The following PAK4 variants were observed in gnomAD, a reference collection of about 807,000 sequenced individuals.
PAK4 encodes p21 (RAC1) activated kinase 4.
PAK4 carries 49 observed loss-of-function variants against 53.5 expected under a neutral mutation model. The observed-to-expected ratio is 0.92, with a 90% CI of 0.73 to 1.16. PAK4 has a LOEUF of 1.16. PAK4 is among the 50% of genes most tolerant of loss of function. PAK4 has a pLI of 0.00. For synonymous variants in PAK4, 376 were observed against 375.6 expected (o/e 1.00, Z -0.01); for missense variants, 824 against 850.7 (o/e 0.97, Z 0.39).
At chr19:39,170,672 TCCCGG>T (rs2074461224) in intron 2 of PAK4, among the ~76,000 whole-genome samples, 1 of 152,184 alleles carries the variant, frequency 6.6e-6, no homozygotes, top group African/African-American at 2.4e-5. Flanking sequence ...GGACTCACCC[TCCCGG>T]TGCCCAGCCC....
At chr19:39,147,605 ATCACCAGCAGCAGGTTCCCCACATCC>A (rs1397042073) in intron 1 of PAK4, among the ~76,000 whole-genome samples, 6 of 152,164 alleles carry the variant, frequency 3.9e-5, no homozygotes, top group African/African-American at 9.7e-5. Flanking sequence ...ATGTTATATT[ATCACCAGCAGCAGGTTCCCCACATCC>A]TCACCAGCAT....
rs1344867522 is a variant in PAK4 at position 39,168,784 on chromosome 19, TGGGGTGCCC to T, written c.-22-747_-22-739del. 6 of 152,428 alleles carry T rather than the reference TGGGGTGCCC, an allele frequency of 3.9e-5. No homozygotes were observed. In the East Asian group the frequency reaches 1.2e-3, roughly 30 times the overall value. The allele number at this position is 152,428 out of a possible 1,614,324, so 9.4% of individuals were successfully genotyped here. The stretch of plus-strand genomic sequence containing the variant: ...AGGGGAGTGTCGCGACAAGGCTGCC[TGGGGTGCCC>T]TCTTAACCCAGGGGATCAGTAACCC... On this transcript the variant is annotated intron_variant, in intron 1 of 8. Transcript: ENST00000358301.
chr19:39,166,847 G>C (rs977967624), intron 1 of PAK4, among the ~76,000 whole-genome samples: 1 of 152,228 alleles, frequency 6.6e-6, no homozygotes, highest in Non-Finnish European at 1.5e-5. Context: ...AGGGCTTGGA[G>C]CTGCACAGGA....
intron 2 of PAK4, 117 bp downstream of exon 3, chr19:39,169,874 CA>C: frequency 2.7e-6 from 2 of 743,898 alleles, no homozygotes; most frequent in South Asian, 3.6e-5. Context: ...GAAATGGAGA[CA>C]AACCCCAGCC....
intron 6 of PAK4, 97 bp from the exon 8 acceptor site, chr19:39,176,493 A>G (rs1004184705): frequency 2.4e-5 from 37 of 1,531,162 alleles, no homozygotes; most frequent in South Asian, 1.7e-4. Flanking sequence ...TGGGCCGCAC[A>G]TTGTGTCTGA....
intron 1 of PAK4, among the ~76,000 whole-genome samples, chr19:39,149,672 C>A (rs1347725842): frequency 1.3e-5 from 2 of 152,052 alleles, no homozygotes; most frequent in Admixed American, 6.6e-5. Context: ...CTGGCTAACA[C>A]GATGAAACCC....
At chr19:39,174,847 G>C (rs1467112021) in intron 4 of PAK4, 84 bp from the exon 6 acceptor site, 1 of 1,530,008 alleles carries the variant, frequency 6.5e-7, no homozygotes, top group Non-Finnish European at 9.0e-7. Context: ...GGAACTGCAG[G>C]GGGAGCCAGG....
Position 39,143,592 on chromosome 19 carries a change from C to CAAAAA in PAK4, c.-23+17700_-23+17704dup, listed in dbSNP as rs544304301. ...TGGGTGACAGAGCAAGACTCTGTCT[C>CAAAAA]AAAAAAAAAAAAAAAAAAAAAAAAA... On this transcript the variant is annotated intron_variant, in intron 1 of 8. Coordinates refer to ENST00000358301, the Ensembl canonical transcript of PAK4. Among the ~76,000 whole-genome samples the CAAAAA allele has an allele frequency of 6.5e-3, 132 of 20,452 alleles. 21 individuals carry two copies. Among genetic ancestry groups the CAAAAA allele is most frequent in the Middle Eastern group, 0.1 (2 of 20 alleles). 13.4% of individuals were successfully genotyped at this position (20,452 alleles called of 152,430 possible).
chr19:39,159,780 C>T (rs1413605523), intron 1 of PAK4, among the ~76,000 whole-genome samples: 1 of 152,216 alleles, frequency 6.6e-6, no homozygotes, highest in Non-Finnish European at 1.5e-5. Context: ...GGGCACAGTC[C>T]ATGCAGAGGC....
chr19:39,176,469 C>G (rs1037433328), intron 6 of PAK4, 121 bp from the exon 8 acceptor site: 1 of 1,354,156 alleles, frequency 7.4e-7, no homozygotes, highest in Non-Finnish European at 1.0e-6. Context: ...ACCCTAGACC[C>G]CAGCTCTGAC....
chr19:39,126,550 G>A (rs918194215), intron 1 of PAK4, among the ~76,000 whole-genome samples: 4 of 150,790 alleles, frequency 2.7e-5, no homozygotes, highest in Admixed American at 1.3e-4. Flanking sequence ...CTATGGGCTA[G>A]ACCCTCTTTT....
At chr19:39,162,221 A>G (rs1004657542) in intron 1 of PAK4, among the ~76,000 whole-genome samples, 13 of 152,068 alleles carry the variant, frequency 8.5e-5, no homozygotes, top group African/African-American at 1.2e-4. Context: ...TTGGCCTCCA[A>G]AAGTTCTGGG....
At chr19:39,160,664 C>T (rs951809015) in intron 1 of PAK4, among the ~76,000 whole-genome samples, 1 of 152,102 alleles carries the variant, frequency 6.6e-6, no homozygotes, top group African/African-American at 2.4e-5. Flanking sequence ...TGGAGAGAAG[C>T]GAGGGGAGGA....
At position 39,134,243 on chromosome 19, in the gene PAK4, T is replaced by C. The variant is rs1197003070; in HGVS notation, c.-23+8324T>C. On this transcript the variant is annotated intron_variant, in intron 1 of 8. Coordinates refer to ENST00000358301, the Ensembl canonical transcript of PAK4. ...TATAATATGCCCATAGAAAAGTGCA[T>C]AAAATGCACAGGTAAGTTTAGCAAA... Among the ~76,000 whole-genome samples, 3 of 152,224 alleles carry C rather than the reference T, an allele frequency of 2.0e-5. No homozygotes were observed. In the East Asian group the frequency reaches 5.8e-4, roughly 29 times the overall value.
rs1204518113 is a variant in PAK4, at chr19:39,152,757, A to G, written c.-22-16775A>G. Among the ~76,000 whole-genome samples, 4 of 140,088 alleles carry G rather than the reference A, an allele frequency of 2.9e-5. No homozygotes were observed. The East Asian group carries it at 9.1e-4, about 32-fold the overall frequency. The allele number at this position is 140,088 out of a possible 152,430, so 91.9% of individuals were successfully genotyped here. On this transcript the variant is annotated intron_variant, in intron 1 of 8. Transcript: ENST00000358301. ...GTTCCAACTGATGGCAATCGGGTTC[A>G]ATGTTATCCACAGTTTCAGGCATCC... is the stretch of plus-strand genomic sequence containing the variant.
intron 7 of PAK4, among the ~76,000 whole-genome samples, chr19:39,177,409 A>T (rs1600415818): frequency 6.7e-6 from 1 of 149,758 alleles, no homozygotes; most frequent in Non-Finnish European, 1.5e-5. Context: ...CCACCAGTGG[A>T]TGCTACCTGG....
In PAK4 at chr19:39,161,949, TATA is replaced by T; in HGVS notation, c.-22-7576_-22-7574del. Among the ~76,000 whole-genome samples, 1 of 152,160 alleles carries T rather than the reference TATA, an allele frequency of 6.6e-6. No individual in the cohort carries two copies. Among genetic ancestry groups the T allele is most frequent in the East Asian group, 1.9e-4 (1 of 5,168 alleles). On this transcript the variant is annotated intron_variant, in intron 1 of 8. Coordinates refer to ENST00000358301, the Ensembl canonical transcript of PAK4. The surrounding 1 kb of genome is among the most constrained non-coding windows in gnomAD (Gnocchi z 4.5). ...CAAGGCCTGCCTGACCACTTTATTT[TATA>T]ATAATAGTTATTATTATTATTTTGA...
At chr19:39,142,457 G>C (rs2073925853) in intron 1 of PAK4, among the ~76,000 whole-genome samples, 1 of 152,196 alleles carries the variant, frequency 6.6e-6, no homozygotes, top group African/African-American at 2.4e-5. Context: ...AAGCGAGTGG[G>C]TTGAGAAGAA....
rs1317644023 is a variant in PAK4 at position 39,173,890 on chromosome 19, G to A, written c.978G>A (p.Lys326=). ...GCTCCTACCTGGACAACTTCATCAA[G>A]ATTGGCGAGGGCTCCACGGGCATCG... The change falls in exon 4 of 9, where the codon AAG becomes AAA. Residue 326 remains lysine (K), a synonymous_variant. Transcript: ENST00000358301. This position sits in a 1 kb window ranked among gnomAD's most constrained non-coding sequence, Gnocchi z 6.9. 1 of 1,612,630 alleles carries A rather than the reference G, an allele frequency of 6.2e-7. No homozygotes were observed. The highest frequency in any genetic ancestry group is 1.1e-5 in the South Asian group (1 of 91,032).
Sources: gnomAD v4.1 joint callset for allele counts (sites outside exome capture counted in the v4.1 genomes callset) on GRCh38, gnomAD v4.1.1 for gene constraint, Gnocchi (gnomAD v3.1) non-coding constraint, MANE v1.5 for transcripts, NCBI Gene and HGNC (gene_info 2026-07-23, HGNC 2026-07-21) for gene names.